Variants in SIRT7 observed in about 807,000 individuals in gnomAD.
SIRT7 encodes the protein NAD-dependent protein deacetylase sirtuin-7.
In SIRT7, 32 loss-of-function variants were observed where a neutral mutation model predicts 42.8. The ratio of observed to expected loss-of-function variants is 0.75; its 90% CI spans 0.56 to 1.00. The LOEUF is 1.00. Ranked by LOEUF, SIRT7 falls within the 50% of genes least tolerant of loss-of-function variation. SIRT7 has a pLI of 0.00. For synonymous variants in SIRT7, 297 were observed against 245.2 expected, an observed-to-expected ratio of 1.21 and a Z score of -1.97; for missense variants, 553 against 572.2, an observed-to-expected ratio of 0.97 and a Z score of 0.34.
chr17:81,914,281 C>T lies in SIRT7; in HGVS notation c.816+13G>A. On this transcript the variant is annotated intron_variant, in intron 7 of 9. Transcript: ENST00000328666. Reference sequence around the variant, plus strand: ...CAGGGGCTCGGTTCACTCATTGTGTCATCGGCACGTACCTTCAGGCTGGAC... The same window carrying T: ...CAGGGGCTCGGTTCACTCATTGTGTTATCGGCACGTACCTTCAGGCTGGAC... 1 of 1,612,900 alleles carries T rather than the reference C, an allele frequency of 6.2e-7. No individual in the cohort carries two copies. The highest frequency in any genetic ancestry group is 1.3e-5 in the African/African-American group (1 of 75,038).
intron 3 of SIRT7, chr17:81,916,107 C>G (rs895243894): frequency 4.3e-6 from 1 of 229,934 alleles, no homozygotes; most frequent in African/African-American, 2.2e-5. Context: ...ACTGTCCATT[C>G]TCATGTCCCA....
At chr17:81,914,010 T>C in intron 8 of SIRT7, 77 bp downstream of exon 8, 1 of 1,585,378 alleles carries the variant, frequency 6.3e-7, no homozygotes. Context: ...ACCGCCCTGG[T>C]GCATGGGTGT....
chr17:81,915,922 C>T (rs1012403332), intron 3 of SIRT7: 12 of 524,548 alleles, frequency 2.3e-5, no homozygotes, highest in Non-Finnish European at 4.2e-5. Flanking sequence ...CCAGGCTGCA[C>T]GCAGCCCTGC....
intron 1 of SIRT7, 24 bp from the exon 2 acceptor site, chr17:81,917,991 G>T: frequency 7.5e-7 from 1 of 1,335,712 alleles, no homozygotes; most frequent in Non-Finnish European, 9.5e-7. Context: ...GACGGTGAGC[G>T]GCGGCGCGGG....
rs1013094491 is a variant in SIRT7, at chr17:81,912,755, C to T, written c.1005-141G>A. 3.5e-5 allele frequency: 31 copies of T among 888,216 alleles called. No individual in the cohort carries two copies. The Admixed American group carries it at 5.2e-4, about 15-fold the overall frequency. 55.0% of individuals were successfully genotyped at this position (888,216 alleles called of 1,614,324 possible). A position where few individuals can be genotyped will look rare whatever the true frequency, so the allele number is the denominator to read the frequency against. On this transcript the variant is annotated intron_variant, in intron 9 of 9. Coordinates refer to ENST00000328666, the MANE Select transcript of SIRT7 (RefSeq NM_016538.3). Reference sequence around the variant, plus strand: ...TCAACTGCGGCGGGGCTCTGGTTGGCGGCAGCTTCATTGTTACCAAGCTGC... The same window carrying T: ...TCAACTGCGGCGGGGCTCTGGTTGGTGGCAGCTTCATTGTTACCAAGCTGC...
chr17:81,915,111 A>G, intron 5 of SIRT7: 1 of 498,054 alleles, frequency 2.0e-6, no homozygotes, highest in Non-Finnish European at 3.7e-6. Context: ...GTTCAGCAGA[A>G]GGTCCCCAGA....
At position 81,914,969 on chromosome 17, in the gene SIRT7, C is replaced by T. The variant is rs934911187; in HGVS notation, c.481-267G>A. 14 of 541,464 alleles carry T rather than the reference C, an allele frequency of 2.6e-5. No homozygotes were observed. The Middle Eastern group carries it at 1.5e-3, about 58-fold the overall frequency. 33.5% of individuals were successfully genotyped at this position (541,464 alleles called of 1,614,324 possible). A position where few individuals can be genotyped will look rare whatever the true frequency, so the allele number is the denominator to read the frequency against. On this transcript the variant is annotated intron_variant, in intron 5 of 9. Coordinates refer to ENST00000328666, the MANE Select transcript of SIRT7 (RefSeq NM_016538.3). ...GGGAGGGCAAGAGGTTGCACCGTCC[C>T]GGCAAGGTTGGGAAGTGGCTCGGGG...
intron 9 of SIRT7, 101 bp from the exon 10 acceptor site, chr17:81,912,715 C>G (rs1361404474): frequency 7.9e-7 from 1 of 1,271,786 alleles, no homozygotes; most frequent in East Asian, 2.5e-5. Context: ...CCTTCCCATC[C>G]CCTTCCCTCC....
rs1343023498 is a variant in SIRT7 at position 81,914,349 on chromosome 17, G to A, written c.761C>T (p.Ala254Val). 3.7e-6 allele frequency: 6 copies of A among 1,612,872 alleles called. No homozygotes were observed. Among genetic ancestry groups the A allele is most frequent in the East Asian group, 2.2e-5 (1 of 44,866 alleles). ...GTCTGCTCTGCTGGCAGCCTCGGTC[G>A]CCGCTTCCCAGTTCAAAGGCTGCCC... ...TLGQPLNWEA[A>V]TEAASRADTI... The change falls in exon 7 of 10, where the codon GCG (alanine) becomes GTG (valine). Residue 254 changes from alanine (A) to valine (V), a missense_variant. Transcript: ENST00000328666.
rs752298710 is a variant in SIRT7 at position 81,918,172 on chromosome 17, G to T, written c.-41C>A. On this transcript the variant is annotated 5_prime_UTR_variant, in exon 1 of 10. Coordinates refer to ENST00000328666, the MANE Select transcript of SIRT7 (RefSeq NM_016538.3). ...CTGCTCTTCCGCTTCCGCCTCACAC[G>T]GCAGGCCGCGCTCAGGGCGCATGCG... The T allele has an allele frequency of 1.3e-5, 19 of 1,501,186 alleles. No homozygotes were observed. Among genetic ancestry groups the T allele is most frequent in the Non-Finnish European group, 1.6e-5 (18 of 1,132,548 alleles). The allele number at this position is 1,501,186 out of a possible 1,614,324, so 93.0% of individuals were successfully genotyped here.
At chr17:81,916,000 T>C (rs2040790274) in intron 3 of SIRT7, 2 of 391,430 alleles carry the variant, frequency 5.1e-6, no homozygotes, top group South Asian at 2.2e-5. Flanking sequence ...TCCTCCACAC[T>C]GCAGGGGAAG....
Position 81,912,310 on chromosome 17 carries a change from G to C in SIRT7, c.*106C>G. ...TGGCTAAAAATGTCACGGTGAAAAT[G>C]TCATCCCCAAAGAGTTCGTTCTCCC... is the stretch of plus-strand genomic sequence containing the variant. On this transcript the variant is annotated 3_prime_UTR_variant, in exon 10 of 10. Transcript: ENST00000328666. 7.2e-7 allele frequency: 1 copy of C among 1,384,986 alleles called. No individual in the cohort carries two copies. The highest frequency in any genetic ancestry group is 1.0e-6 in the Non-Finnish European group (1 of 977,118). The allele number at this position is 1,384,986 out of a possible 1,614,324, so 85.8% of individuals were successfully genotyped here.
chr17:81,918,133 G>A lies in SIRT7; in HGVS notation c.-2C>T, dbSNP rs900177492. ...GCGGCTCAGACCCCCGGCTGCCATC[G>A]CTCCCCTGGAGACCTGCTCTTCCGC... On this transcript the variant is annotated 5_prime_UTR_variant, in exon 1 of 10. Transcript: ENST00000328666. The A allele has an allele frequency of 3.3e-6, 5 of 1,531,478 alleles. No individual in the cohort carries two copies. Among genetic ancestry groups the A allele is most frequent in the African/African-American group, 1.4e-5 (1 of 70,078 alleles). The allele number at this position is 1,531,478 out of a possible 1,614,324, so 94.9% of individuals were successfully genotyped here. A position where few individuals can be genotyped will look rare whatever the true frequency, so the allele number is the denominator to read the frequency against.
At chr17:81,916,116 C>CA in intron 3 of SIRT7, 2 of 213,656 alleles carry the variant, frequency 9.4e-6, no homozygotes, top group Admixed American at 1.0e-4. Context: ...TCTCATGTCC[C>CA]AGTGCTGACT....
At chr17:81,917,796 C>T (rs761836902) in intron 2 of SIRT7, 34 bp downstream of exon 2, 12 of 1,407,994 alleles carry the variant, frequency 8.5e-6, no homozygotes, top group Non-Finnish European at 1.1e-5. Context: ...GCTCCCGAAA[C>T]CGGGGGCGCC....
intron 3 of SIRT7, 189 bp downstream of exon 3, chr17:81,917,426 T>TCTA: frequency 2.0e-6 from 1 of 505,042 alleles, no homozygotes; most frequent in Non-Finnish European, 3.3e-6. Flanking sequence ...CATTCGTATC[T>TCTA]CTACTCCTTG....
intron 5 of SIRT7, chr17:81,915,140 CCT>C (rs1208152219): frequency 9.4e-6 from 5 of 530,534 alleles, no homozygotes; most frequent in Non-Finnish European, 1.4e-5. Flanking sequence ...ATAAGCCTCC[CCT>C]GTGACTAGGA....
rs1235786012 is a variant in SIRT7, at chr17:81,913,302, TCA to T, written c.1004+470_1004+471del. 6.6e-6 allele frequency: 3 copies of T among 456,072 alleles called. No homozygotes were observed. The highest frequency in any genetic ancestry group is 4.0e-5 in the African/African-American group (2 of 50,040). The allele number at this position is 456,072 out of a possible 1,614,324, so 28.3% of individuals were successfully genotyped here. A position where few individuals can be genotyped will look rare whatever the true frequency, so the allele number is the denominator to read the frequency against. ...ATTTCCCCTATAAGACCCTGAAAATTCACAGAGAAAGAGAGTGTAAACTTTTT... is the reference window on the plus strand; with the variant it reads ...ATTTCCCCTATAAGACCCTGAAAATTCAGAGAAAGAGAGTGTAAACTTTTT... On this transcript the variant is annotated intron_variant, in intron 9 of 9. Coordinates refer to ENST00000328666, the MANE Select transcript of SIRT7 (RefSeq NM_016538.3). This position sits in a 1 kb window ranked among gnomAD's most constrained non-coding sequence, Gnocchi z 5.0.
Position 81,914,348 on chromosome 17 carries a change from C to T in SIRT7, c.762G>A (p.Ala254=), listed in dbSNP as rs374533546. The T allele has an allele frequency of 3.0e-5, 49 of 1,612,910 alleles. No homozygotes were observed. The African/African-American group carries it at 4.4e-4, about 14-fold the overall frequency. ...TGTCTGCTCTGCTGGCAGCCTCGGT[C>T]GCCGCTTCCCAGTTCAAAGGCTGCC... ...TLGQPLNWEA[A]TEAASRADTI... is the part of the protein sequence containing the mutation. The change falls in exon 7 of 10, where the codon GCG becomes GCA. Residue 254 remains alanine (A), a synonymous_variant. Coordinates refer to ENST00000328666, the MANE Select transcript of SIRT7 (RefSeq NM_016538.3).
Sources: gnomAD v4.1 joint callset for allele counts on GRCh38, gnomAD v4.1.1 for gene constraint, Gnocchi (gnomAD v3.1) non-coding constraint, MANE v1.5 for transcripts, NCBI Gene and HGNC (gene_info 2026-07-23, HGNC 2026-07-21) for gene names.